ZNF385D: variants seen among roughly 807,000 people sequenced by gnomAD.
ZNF385D encodes the protein zinc finger protein 385D, also known as zinc finger protein 659.
ZNF385D carries 15 observed loss-of-function variants against 35.8 expected under a neutral mutation model. The ratio of observed to expected loss-of-function variants is 0.42; its 90% CI spans 0.28 to 0.64. The LOEUF is 0.64. Ranked by LOEUF, ZNF385D falls within the 30% of genes least tolerant of loss-of-function variation. ZNF385D has a pLI of 0.23. For synonymous variants in ZNF385D, 212 were observed against 186.8 expected (o/e 1.13, Z -1.10); for missense variants, 474 against 494.6 (o/e 0.96, Z 0.39).
intron 3 of ZNF385D, among the ~76,000 whole-genome samples, chr3:22,123,922 A>ATC (rs34781505): frequency 0.039 from 3,100 of 80,070 alleles, 115 homozygotes; most frequent in African/African-American, 0.074. Context: ...GCTAGACTCC[A>ATC]TCTCTCTCTC....
At chr3:22,247,238 C>G (rs1474176670) in intron 2 of ZNF385D, among the ~76,000 whole-genome samples, 1 of 151,744 alleles carries the variant, frequency 6.6e-6, no homozygotes, top group African/African-American at 2.4e-5. Context: ...ATTAAACCAT[C>G]TGATTAAAAG....
intron 2 of ZNF385D, among the ~76,000 whole-genome samples, chr3:22,233,115 G>A (rs1333062388): frequency 1.3e-5 from 2 of 151,778 alleles, no homozygotes; most frequent in East Asian, 3.9e-4. Flanking sequence ...TCTCTATTGA[G>A]TCCTCTTACC....
At chr3:22,064,313 C>G (rs890350367) in intron 3 of ZNF385D, among the ~76,000 whole-genome samples, 2 of 152,128 alleles carry the variant, frequency 1.3e-5, no homozygotes, top group Admixed American at 6.5e-5. Flanking sequence ...TAGAAGAGCA[C>G]AGAGGAGCAG....
intron 3 of ZNF385D, among the ~76,000 whole-genome samples, chr3:21,950,710 A>G (rs1702023669): frequency 6.6e-6 from 1 of 151,718 alleles, no homozygotes; most frequent in Non-Finnish European, 1.5e-5. Context: ...ATCCATCTTG[A>G]GTTAATTTTT....
At chr3:22,075,434 T>A (rs1239852326) in intron 3 of ZNF385D, among the ~76,000 whole-genome samples, 1 of 151,922 alleles carries the variant, frequency 6.6e-6, no homozygotes, top group Non-Finnish European at 1.5e-5. Context: ...AAGTTGTCAA[T>A]GAACTTCATA....
At chr3:21,981,014 G>T (rs1694411607) in intron 3 of ZNF385D, among the ~76,000 whole-genome samples, 1 of 152,082 alleles carries the variant, frequency 6.6e-6, no homozygotes, top group Non-Finnish European at 1.5e-5. Flanking sequence ...TGTGAATAGT[G>T]CTGTACTGAA....
intron 1 of ZNF385D, among the ~76,000 whole-genome samples, chr3:21,735,121 T>C (rs118122186): frequency 8.9e-4 from 135 of 152,292 alleles, no homozygotes; most frequent in East Asian, 2.3e-3. Flanking sequence ...CTAATGCAAA[T>C]AATGGCAGGC....
chr3:22,304,387 C>T (rs925464564), intron 2 of ZNF385D, among the ~76,000 whole-genome samples: 1 of 152,112 alleles, frequency 6.6e-6, no homozygotes, highest in African/African-American at 2.4e-5. Flanking sequence ...TGTATTTTAG[C>T]AGATATTGAC....
intron 2 of ZNF385D, among the ~76,000 whole-genome samples, chr3:22,260,333 A>T (rs1276775399): frequency 1.3e-5 from 2 of 151,864 alleles, no homozygotes; most frequent in Non-Finnish European, 2.9e-5. Flanking sequence ...AACATCACAC[A>T]CCAGGGCCTG....
chr3:21,909,184 AAATAT>A (rs1699839154), intron 3 of ZNF385D, among the ~76,000 whole-genome samples: 1 of 151,160 alleles, frequency 6.6e-6, no homozygotes, highest in Non-Finnish European at 1.5e-5. Flanking sequence ...AAGTTCGTCC[AAATAT>A]AATACGGATA....
chr3:21,528,481 T>C (rs2061837609), intron 3 of ZNF385D, among the ~76,000 whole-genome samples: 4 of 152,102 alleles, frequency 2.6e-5, no homozygotes, highest in Admixed American at 2.0e-4. Flanking sequence ...ATTTCCTGGC[T>C]CTTTCCTTTC....
chr3:21,891,297 C>T (rs1448565233), intron 3 of ZNF385D, among the ~76,000 whole-genome samples: 2 of 152,034 alleles, frequency 1.3e-5, no homozygotes, highest in Admixed American at 6.6e-5. Context: ...AAGGAGCTAT[C>T]CAGGAAGTAC....
At chr3:22,192,574 C>T (rs1193172384) in intron 2 of ZNF385D, among the ~76,000 whole-genome samples, 1 of 152,102 alleles carries the variant, frequency 6.6e-6, no homozygotes, top group Non-Finnish European at 1.5e-5. Flanking sequence ...TCAAGCAAGC[C>T]ATGTGTGTGA....
intron 2 of ZNF385D, among the ~76,000 whole-genome samples, chr3:22,183,698 A>T (rs1408830791): frequency 1.3e-5 from 2 of 151,204 alleles, no homozygotes; most frequent in African/African-American, 4.9e-5. Flanking sequence ...TAATACATAT[A>T]TTTTCATTTA....
intron 2 of ZNF385D, among the ~76,000 whole-genome samples, chr3:22,297,798 G>A (rs976445276): frequency 6.6e-6 from 1 of 151,994 alleles, no homozygotes; most frequent in Non-Finnish European, 1.5e-5. Context: ...TAAAATGAAT[G>A]GACATGACTA....
intron 3 of ZNF385D, among the ~76,000 whole-genome samples, chr3:21,786,127 T>G (rs1043232587): frequency 6.6e-6 from 1 of 152,160 alleles, no homozygotes; most frequent in African/African-American, 2.4e-5. Context: ...TCATAAACTG[T>G]TCAACATCAC....
chr3:22,139,916 T>G (rs958497107), intron 3 of ZNF385D, among the ~76,000 whole-genome samples: 8 of 152,124 alleles, frequency 5.3e-5, no homozygotes, highest in Admixed American at 1.3e-4. Flanking sequence ...TACACTCCCA[T>G]TAAAATGGCT....
intron 2 of ZNF385D, among the ~76,000 whole-genome samples, chr3:22,372,086 G>C (rs972057176): frequency 2.6e-5 from 4 of 152,038 alleles, no homozygotes; most frequent in Non-Finnish European, 4.4e-5. Flanking sequence ...GGGTGGCCCA[G>C]CCCTCGACTC....
At chr3:22,267,482 C>T (rs1700955862) in intron 2 of ZNF385D, among the ~76,000 whole-genome samples, 2 of 151,482 alleles carry the variant, frequency 1.3e-5, no homozygotes, top group African/African-American at 2.4e-5. Flanking sequence ...TATTTTGAAA[C>T]AGTTTGGGTA....
Sources: allele counts gnomAD v4.1 joint callset (sites outside exome capture counted in the v4.1 genomes callset), GRCh38; gene constraint gnomAD v4.1.1; transcripts MANE v1.5; gene names NCBI Gene and HGNC (gene_info 2026-07-23, HGNC 2026-07-21).